CDKL1: variants seen among roughly 807,000 people sequenced by gnomAD.
CDKL1 encodes the protein cyclin-dependent kinase-like 1.
CDKL1 carries 41 observed loss-of-function variants against 42.0 expected under a neutral mutation model. That is an observed-to-expected ratio of 0.98 (90% CI 0.76 to 1.27). The LOEUF (loss-of-function observed/expected upper bound fraction) is 1.27, where lower values mean the gene tolerates loss of function less well. Among genes scored for constraint, CDKL1 ranks in the 50% most tolerant of loss-of-function variants. The pLI is 0.00. For missense variants in CDKL1, 394 were observed against 428.4 expected (o/e 0.92, Z 0.71); for synonymous variants, 153 against 158.6 (o/e 0.96, Z 0.26).
intron 2 of CDKL1, among the ~76,000 whole-genome samples, chr14:50,364,601 A>G (rs1302620852): frequency 5.3e-5 from 8 of 152,102 alleles, no homozygotes; most frequent in Admixed American, 2.6e-4. Flanking sequence ...TTGATAAGCA[A>G]CTTATTAGCT....
chr14:50,368,748 C>T (rs933933857), intron 2 of CDKL1, among the ~76,000 whole-genome samples: 1 of 152,132 alleles, frequency 6.6e-6, no homozygotes, highest in African/African-American at 2.4e-5. Context: ...GTCGTCAGCC[C>T]TCTGTCTTCA....
intron 2 of CDKL1, among the ~76,000 whole-genome samples, chr14:50,375,149 T>C (rs1474129254): frequency 6.6e-6 from 1 of 152,084 alleles, no homozygotes; most frequent in Non-Finnish European, 1.5e-5. Context: ...GCAGGAAATA[T>C]ATAAGATGAA....
intron 2 of CDKL1, among the ~76,000 whole-genome samples, chr14:50,393,947 G>A (rs1415068044): frequency 6.6e-6 from 1 of 152,132 alleles, no homozygotes; most frequent in Non-Finnish European, 1.5e-5. Flanking sequence ...ATCCAACAAT[G>A]ACATTTTTTG....
chr14:50,330,107 G>A lies in CDKL1; in HGVS notation c.1041C>T (p.Thr347=), dbSNP rs763030996. The stretch of plus-strand genomic sequence containing the variant: ...TTGGAAAACGGTAGTTAAGTTTCTT[G>A]GTATCACAGTAGTACTTCTTATTAT... ...ALDNKKYYCD[T]KKLNYRFPNI is the part of the protein sequence containing the mutation. Residue 347 remains threonine, a synonymous_variant, in exon 10 of 10, where the codon ACC becomes ACT. Coordinates refer to ENST00000395834, the MANE Select transcript of CDKL1 (RefSeq NM_004196.7). 4 of 1,609,876 alleles carry A rather than the reference G, an allele frequency of 2.5e-6. No individual in the cohort carries two copies. Among genetic ancestry groups the A allele is most frequent in the Non-Finnish European group, 3.4e-6 (4 of 1,179,188 alleles).
In CDKL1 at chr14:50,326,751, TTG is replaced by T. The variant is rs2032720108; in HGVS notation, c.*3321_*3322del. 2.0e-6 allele frequency: 2 copies of T among 985,236 alleles called. No individual in the cohort carries two copies. The highest frequency in any genetic ancestry group is 1.2e-6 in the Non-Finnish European group (1 of 829,916). The allele number at this position is 985,236 out of a possible 1,614,324, so 61.0% of individuals were successfully genotyped here. On this transcript the variant is annotated 3_prime_UTR_variant, in exon 10 of 10. Transcript: ENST00000395834. Reference sequence around the variant, plus strand: ...CTTAGGTTTTTCTTGAAACCTAACATTGCTTTAGGCTGGGTGCCGTGGCTCGT... The same window carrying T: ...CTTAGGTTTTTCTTGAAACCTAACATCTTTAGGCTGGGTGCCGTGGCTCGT...
At chr14:50,364,026 T>C (rs943877435) in intron 2 of CDKL1, 2 of 152,402 alleles carry the variant, frequency 1.3e-5, no homozygotes, top group African/African-American at 4.8e-5. Context: ...ACAGCTGGTA[T>C]GTACCGCAAG....
intron 2 of CDKL1, among the ~76,000 whole-genome samples, chr14:50,359,548 T>C (rs115299684): frequency 8.3e-4 from 127 of 152,276 alleles, no homozygotes; most frequent in African/African-American, 3.0e-3. Flanking sequence ...TCAGAATTAC[T>C]GAGTAATTAA....
chr14:50,370,655 C>T (rs139223939), intron 2 of CDKL1, among the ~76,000 whole-genome samples: 105 of 152,198 alleles, frequency 6.9e-4, no homozygotes, highest in African/African-American at 2.3e-3. Context: ...ACAGGAAACA[C>T]GGGGCTGGCA....
chr14:50,339,128 T>G (rs569961450), intron 6 of CDKL1, 99 bp from the exon 7 acceptor site: 3 of 831,638 alleles, frequency 3.6e-6, no homozygotes, highest in Non-Finnish European at 6.2e-6. Flanking sequence ...CCCATATGCA[T>G]GGACACTGCA....
intron 2 of CDKL1, among the ~76,000 whole-genome samples, chr14:50,361,644 C>T (rs748591383): frequency 3.9e-5 from 6 of 152,202 alleles, no homozygotes; most frequent in Non-Finnish European, 7.3e-5. Flanking sequence ...GTGCTAATCC[C>T]ATTCATGAGG....
chr14:50,335,388 A>AGAT, intron 7 of CDKL1: 2 of 1,159,676 alleles, frequency 1.7e-6, no homozygotes, highest in Non-Finnish European at 1.2e-6. Context: ...CCAGGTGAAC[A>AGAT]GATGCTTCTT....
chr14:50,360,087 GCTC>G (rs1017246592), intron 2 of CDKL1, among the ~76,000 whole-genome samples: 2 of 152,048 alleles, frequency 1.3e-5, no homozygotes, highest in Non-Finnish European at 2.9e-5. Context: ...TTGGCAGATC[GCTC>G]CTCTTTTTCC....
intron 9 of CDKL1, chr14:50,331,710 C>A: frequency 3.3e-6 from 1 of 302,682 alleles, no homozygotes; most frequent in Non-Finnish European, 6.1e-6. Flanking sequence ...TAATGTAAGG[C>A]CATTTTATAC....
intron 3 of CDKL1, chr14:50,358,153 A>G (rs1201886279): frequency 6.0e-6 from 8 of 1,327,020 alleles, no homozygotes; most frequent in Non-Finnish European, 8.0e-6. Context: ...TGCTAGAGAG[A>G]GCTGTGTGGT....
chr14:50,395,606 G>T, intron 2 of CDKL1, 95 bp downstream of exon 2: 1 of 809,756 alleles, frequency 1.2e-6, no homozygotes, highest in South Asian at 1.7e-5. Flanking sequence ...GTTCCAGGCT[G>T]CTGTGAGCTA....
At chr14:50,345,682 C>T (rs369125853) in intron 3 of CDKL1, among the ~76,000 whole-genome samples, 3 of 152,182 alleles carry the variant, frequency 2.0e-5, no homozygotes, top group African/African-American at 4.8e-5. Context: ...GCTCCCCCAT[C>T]GTAAATTGTT....
chr14:50,363,033 A>G (rs910855765), intron 2 of CDKL1: 2 of 440,288 alleles, frequency 4.5e-6, no homozygotes, highest in Non-Finnish European at 9.8e-6. Context: ...GAGACCACGA[A>G]CCCACTGGGA....
At chr14:50,352,619 T>C (rs2033935736) in intron 3 of CDKL1, among the ~76,000 whole-genome samples, 1 of 151,270 alleles carries the variant, frequency 6.6e-6, no homozygotes, top group African/African-American at 2.5e-5. Flanking sequence ...ATATAGAAAA[T>C]ACATAGAAAA....
At chr14:50,341,341 A>G (rs2033516756) in intron 5 of CDKL1, 109 bp from the exon 6 acceptor site, 2 of 1,401,442 alleles carry the variant, frequency 1.4e-6, no homozygotes, top group Non-Finnish European at 1.9e-6. Context: ...GCCTTTCTAT[A>G]TCGCTGGTTC....
Sources: gnomAD v4.1 joint callset for allele counts (sites outside exome capture counted in the v4.1 genomes callset) on GRCh38, gnomAD v4.1.1 for gene constraint, MANE v1.5 for transcripts, NCBI Gene and HGNC (gene_info 2026-07-23, HGNC 2026-07-21) for gene names.